The following CDH8 variants were observed in gnomAD, a reference collection of about 807,000 sequenced individuals.
CDH8 encodes the protein cadherin 8.
CDH8 carries 17 observed loss-of-function variants against 68.1 expected under a neutral mutation model. The ratio of observed to expected loss-of-function variants is 0.25; its 90% CI spans 0.17 to 0.37. The LOEUF (loss-of-function observed/expected upper bound fraction) is 0.37. CDH8 is among the 10% of genes least tolerant of loss of function. The pLI is 1.00. For synonymous variants in CDH8, 372 were observed against 365.1 expected (o/e 1.02, Z -0.21); for missense variants, 763 against 999.3 (o/e 0.76, Z 3.19).
intron 3 of CDH8, among the ~76,000 whole-genome samples, chr16:61,897,885 G>A (rs969698927): frequency 1.3e-5 from 2 of 152,174 alleles, no homozygotes; most frequent in African/African-American, 4.8e-5. Context: ...AAAGATGGAG[G>A]TGTTTTTGCT....
In CDH8 at chr16:61,825,043, A is replaced by G. The variant is rs764353922; in HGVS notation, c.804T>C (p.Asp268=). The part of the protein sequence containing the change: ...GTTTLTVTLT[D]VNDNPPKFAQ... ...CAAATTTTGGAGGATTGTCATTAAC[A>G]TCAGTAAGAGTCACTGTAAGTGTCG... Residue 268 remains aspartate, a synonymous_variant, in exon 5 of 12, where the codon GAT becomes GAC. Coordinates refer to ENST00000577390, the MANE Select transcript of CDH8 (RefSeq NM_001796.5). 2.5e-5 allele frequency: 41 copies of G among 1,611,736 alleles called. No homozygotes were observed. In the East Asian group the frequency reaches 4.5e-4, roughly 18 times the overall value.
intron 7 of CDH8, among the ~76,000 whole-genome samples, chr16:61,804,178 T>G (rs1961737893): frequency 6.7e-6 from 1 of 149,400 alleles, no homozygotes. Flanking sequence ...TCAAAGCTGC[T>G]CAACTACATG....
At chr16:61,814,050 G>T (rs1044254286) in intron 7 of CDH8, among the ~76,000 whole-genome samples, 1 of 152,030 alleles carries the variant, frequency 6.6e-6, no homozygotes, top group East Asian at 1.9e-4. Flanking sequence ...ATTGATGGTG[G>T]CTTACCTTTT....
rs185742050 is a variant in CDH8 at position 61,714,236 on chromosome 16, T to A, written c.1537-278A>T. On this transcript the variant is annotated intron_variant, in intron 9 of 11. Coordinates refer to ENST00000577390, the MANE Select transcript of CDH8 (RefSeq NM_001796.5). The stretch of plus-strand genomic sequence containing the variant: ...AGCAAAGTTAAGTGTATTTGAAATA[T>A]CCACTGGGCAATTACAGGTTTCTTT... The A allele has an allele frequency of 1.4e-4, 50 of 351,748 alleles. No homozygotes were observed. The East Asian group carries it at 3.3e-3, about 23-fold the overall frequency. 21.8% of individuals were successfully genotyped at this position (351,748 alleles called of 1,614,324 possible). A position where few individuals can be genotyped will look rare whatever the true frequency, so the allele number is the denominator to read the frequency against.
chr16:61,890,719 G>A lies in CDH8; in HGVS notation c.547+10460C>T, dbSNP rs146880837. On this transcript the variant is annotated intron_variant, in intron 3 of 11. Transcript: ENST00000577390. Reference sequence around the variant, plus strand: ...AAAAATGATACCAATATTATCCCTTGTGAAATCAAGTGATGTTTTTCATCA... The same window carrying A: ...AAAAATGATACCAATATTATCCCTTATGAAATCAAGTGATGTTTTTCATCA... Among the ~76,000 whole-genome samples the A allele has an allele frequency of 2.8e-3, 419 of 152,200 alleles. 2 individuals are homozygous for A. Among genetic ancestry groups the A allele is most frequent in the Admixed American group, 6.3e-3 (97 of 15,278 alleles).
At chr16:61,759,658 A>G (rs1405713274) in intron 8 of CDH8, among the ~76,000 whole-genome samples, 1 of 152,180 alleles carries the variant, frequency 6.6e-6, no homozygotes, top group African/African-American at 2.4e-5. Context: ...GTCTACAGAA[A>G]TTATCCTTAT....
intron 2 of CDH8, among the ~76,000 whole-genome samples, chr16:61,965,814 T>C (rs1965239474): frequency 6.6e-6 from 1 of 152,216 alleles, no homozygotes; most frequent in Admixed American, 6.5e-5. Flanking sequence ...AAGTGGGCAC[T>C]TTCATGAAAA....
intron 9 of CDH8, among the ~76,000 whole-genome samples, chr16:61,724,173 C>T (rs1448611269): frequency 6.6e-6 from 1 of 150,588 alleles, no homozygotes; most frequent in Non-Finnish European, 1.5e-5. Flanking sequence ...GGGAATGTCA[C>T]CTTTAACTTC....
At chr16:61,848,627 A>G (rs1962870417) in intron 4 of CDH8, among the ~76,000 whole-genome samples, 1 of 152,102 alleles carries the variant, frequency 6.6e-6, no homozygotes, top group Non-Finnish European at 1.5e-5. Context: ...CATTGTGTGC[A>G]CGCAGCTAGC....
intron 10 of CDH8, among the ~76,000 whole-genome samples, chr16:61,685,821 T>C (rs1596865356): frequency 6.6e-6 from 1 of 152,022 alleles, no homozygotes; most frequent in Non-Finnish European, 1.5e-5. Context: ...AAGATGATTG[T>C]CAGGTTTTAG....
At chr16:61,882,801 A>G (rs1413058737) in intron 3 of CDH8, among the ~76,000 whole-genome samples, 1 of 152,190 alleles carries the variant, frequency 6.6e-6, no homozygotes, top group Non-Finnish European at 1.5e-5. Context: ...TGATGAAATA[A>G]TCTGTACAAC....
At chr16:61,901,783 T>G (rs1963978857) in intron 2 of CDH8, among the ~76,000 whole-genome samples, 1 of 152,230 alleles carries the variant, frequency 6.6e-6, no homozygotes, top group Non-Finnish European at 1.5e-5. Context: ...TTCCATTTAT[T>G]ACATTTGCTT....
chr16:61,950,808 T>C (rs1422717585), intron 2 of CDH8, among the ~76,000 whole-genome samples: 7 of 152,124 alleles, frequency 4.6e-5, no homozygotes, highest in Non-Finnish European at 7.3e-5. Context: ...ACTCAAACAT[T>C]GCATGTTCTC....
intron 2 of CDH8, among the ~76,000 whole-genome samples, chr16:61,924,393 C>A (rs979790172): frequency 6.6e-6 from 1 of 152,094 alleles, no homozygotes; most frequent in Non-Finnish European, 1.5e-5. Flanking sequence ...TTGTTAGAGG[C>A]CATAGCAGAT....
chr16:61,829,631 G>A (rs1962414225), intron 4 of CDH8, among the ~76,000 whole-genome samples: 1 of 151,832 alleles, frequency 6.6e-6, no homozygotes, highest in South Asian at 2.1e-4. Context: ...ACCCCACTGG[G>A]AAGCTGCACC....
At chr16:62,005,729 C>A (rs1271497856) in intron 2 of CDH8, among the ~76,000 whole-genome samples, 1 of 99,688 alleles carries the variant, frequency 1.0e-5, no homozygotes, top group Non-Finnish European at 2.0e-5. Context: ...GACTAGACTT[C>A]GTCTTAAAAA....
chr16:61,979,536 C>T (rs1965495742), intron 2 of CDH8, among the ~76,000 whole-genome samples: 1 of 152,100 alleles, frequency 6.6e-6, no homozygotes, highest in Non-Finnish European at 1.5e-5. Flanking sequence ...AACATATCTT[C>T]TAGTCAGCCT....
intron 2 of CDH8, among the ~76,000 whole-genome samples, chr16:61,938,298 T>C (rs745476531): frequency 6.6e-6 from 1 of 152,172 alleles, no homozygotes. Flanking sequence ...TTCCATGTTC[T>C]TACTCTCATT....
intron 3 of CDH8, among the ~76,000 whole-genome samples, chr16:61,858,700 A>T (rs1457799568): frequency 6.6e-6 from 1 of 152,192 alleles, no homozygotes; most frequent in African/African-American, 2.4e-5. Context: ...GGACAGAAGC[A>T]TCTGGGATGT....
Sources: allele counts gnomAD v4.1 joint callset (sites outside exome capture counted in the v4.1 genomes callset), GRCh38; gene constraint gnomAD v4.1.1; transcripts MANE v1.5; gene names NCBI Gene and HGNC (gene_info 2026-07-23, HGNC 2026-07-21).